TMCC3: variants seen among roughly 807,000 people sequenced by gnomAD.
The protein encoded by TMCC3 is transmembrane and coiled-coil domain family 3.
A neutral mutation model predicts 40.2 loss-of-function variants in TMCC3; 28 were observed. That is an observed-to-expected ratio of 0.70 (90% confidence interval 0.52 to 0.95). TMCC3 has a LOEUF of 0.95. TMCC3 is among the 40% of genes least tolerant of loss of function. The pLI is 0.00. For synonymous variants in TMCC3, 255 were observed against 248.5 expected (o/e 1.03, Z -0.25); for missense variants, 554 against 615.2 (o/e 0.90, Z 1.05).
chr12:94,599,882 C>T (rs1384840428), intron 1 of TMCC3, among the ~76,000 whole-genome samples: 3 of 152,180 alleles, frequency 2.0e-5, no homozygotes, highest in Non-Finnish European at 4.4e-5. Context: ...ACCTCCTTAG[C>T]CTACTTTTTG....
At chr12:94,583,068 T>C (rs1295673421) in intron 1 of TMCC3, among the ~76,000 whole-genome samples, 1 of 150,698 alleles carries the variant, frequency 6.6e-6, no homozygotes, top group Non-Finnish European at 1.5e-5. Context: ...CATTATTTTC[T>C]TAATGGAATC....
At chr12:94,614,097 GAAAAAAA>G (rs10696282) in intron 1 of TMCC3, among the ~76,000 whole-genome samples, 10 of 98,508 alleles carry the variant, frequency 1.0e-4, no homozygotes, top group Admixed American at 7.6e-4. Flanking sequence ...TCCATCTCCA[GAAAAAAA>G]AAAAAAAAAA....
chr12:94,572,804 C>T (rs944651498), intron 3 of TMCC3, among the ~76,000 whole-genome samples: 11 of 151,970 alleles, frequency 7.2e-5, no homozygotes, highest in Non-Finnish European at 1.2e-4. Context: ...TAGAGATTGG[C>T]GGAGGAAGGC....
intron 1 of TMCC3, among the ~76,000 whole-genome samples, chr12:94,582,825 T>C (rs891807011): frequency 3.3e-5 from 5 of 152,008 alleles, no homozygotes; most frequent in African/African-American, 7.3e-5. Context: ...AAACGCAAAA[T>C]AGAATGAGGT....
chr12:94,592,323 A>G (rs545286570), intron 1 of TMCC3, among the ~76,000 whole-genome samples: 1 of 152,036 alleles, frequency 6.6e-6, no homozygotes. Flanking sequence ...CATCACTGAC[A>G]AAAGAAATTC....
rs528699156 is a variant in TMCC3 at position 94,568,859 on chromosome 12, T to C, written c.*2576A>G. ...ATATGAATTATTTCAAAGGAATTCA[T>C]GATCCAGGTAGGAGGATTTAGATCC... On this transcript the variant is annotated 3_prime_UTR_variant, in exon 4 of 4. Transcript: ENST00000261226. 2.0e-5 allele frequency: 3 copies of C among 152,368 alleles called. No individual in the cohort carries two copies. Among genetic ancestry groups the C allele is most frequent in the Admixed American group, 6.5e-5 (1 of 15,300 alleles). 9.4% of individuals were successfully genotyped at this position (152,368 alleles called of 1,614,324 possible). A position where few individuals can be genotyped will look rare whatever the true frequency, so the allele number is the denominator to read the frequency against.
At chr12:94,643,379 AC>A (rs1168304918) in intron 1 of TMCC3, among the ~76,000 whole-genome samples, 3 of 152,296 alleles carry the variant, frequency 2.0e-5, no homozygotes, top group Non-Finnish European at 2.9e-5. Context: ...GTGTGAACCC[AC>A]AGGCCAGTCA....
chr12:94,650,474 G>A lies in TMCC3; in HGVS notation c.-44C>T. 1 of 1,234,950 alleles carries A rather than the reference G, an allele frequency of 8.1e-7. No homozygotes were observed. Among genetic ancestry groups the A allele is most frequent in the Non-Finnish European group, 1.0e-6 (1 of 984,344 alleles). 76.5% of individuals were successfully genotyped at this position (1,234,950 alleles called of 1,614,324 possible). Reference sequence around the variant, plus strand: ...AACTTTCCCGTCTTCTGGGGCTGCCGCGCCGCGAGCCACCGGCTGTGCTCG... The same window carrying A: ...AACTTTCCCGTCTTCTGGGGCTGCCACGCCGCGAGCCACCGGCTGTGCTCG... On this transcript the variant is annotated 5_prime_UTR_variant, in exon 1 of 4. Transcript: ENST00000261226.
chr12:94,589,723 T>C (rs1372349142), intron 1 of TMCC3, among the ~76,000 whole-genome samples: 1 of 152,218 alleles, frequency 6.6e-6, no homozygotes, highest in Non-Finnish European at 1.5e-5. Context: ...AATACTTTTA[T>C]TGTGAATCAG....
intron 1 of TMCC3, among the ~76,000 whole-genome samples, chr12:94,597,411 G>A (rs1025851981): frequency 2.0e-5 from 3 of 152,090 alleles, no homozygotes; most frequent in African/African-American, 4.8e-5. Flanking sequence ...TGTAGGGACC[G>A]TTGTAATTGT....
rs112114695 is a variant in TMCC3, at chr12:94,591,648, C to T, written c.79-9110G>A. 6.1e-4 allele frequency among the ~76,000 whole-genome samples: 93 copies of T among 152,022 alleles called. 1 individual carries two copies. The highest frequency in any genetic ancestry group is 9.2e-4 in the Admixed American group (14 of 15,268). On this transcript the variant is annotated intron_variant, in intron 1 of 3. Transcript: ENST00000261226. ...GCATGCACTTGTAATCCTGACTACT[C>T]GGGAGGTTGAGGCACGAGGGTCAAG...
chr12:94,591,917 G>A lies in TMCC3; in HGVS notation c.79-9379C>T, dbSNP rs535505606. 2.0e-5 allele frequency among the ~76,000 whole-genome samples: 3 copies of A among 152,312 alleles called. No individual in the cohort carries two copies. The East Asian group carries it at 5.8e-4, about 29-fold the overall frequency. Reference sequence around the variant, plus strand: ...CCGGATCCCAGCATCCTTGCTAACAGAGCTAACCTATACTAGAAAAATAAC... The same window carrying A: ...CCGGATCCCAGCATCCTTGCTAACAAAGCTAACCTATACTAGAAAAATAAC... On this transcript the variant is annotated intron_variant, in intron 1 of 3. Transcript: ENST00000261226.
chr12:94,626,118 G>A (rs2068902983), intron 1 of TMCC3, among the ~76,000 whole-genome samples: 1 of 152,186 alleles, frequency 6.6e-6, no homozygotes, highest in Non-Finnish European at 1.5e-5. Context: ...ACGCATGTGT[G>A]AACGCAGAAA....
rs559530234 is a variant in TMCC3, at chr12:94,608,377, T to C, written c.79-25839A>G. Among the ~76,000 whole-genome samples the C allele has an allele frequency of 1.4e-3, 213 of 152,284 alleles. 1 individual carries two copies. The highest frequency in any genetic ancestry group is 0.014 in the Middle Eastern group (4 of 294). On this transcript the variant is annotated intron_variant, in intron 1 of 3. Coordinates refer to ENST00000261226, the MANE Select transcript of TMCC3 (RefSeq NM_020698.4). Reference sequence around the variant, plus strand: ...GAAAGTCTTACACATCTGTTCTGAATTTCACACTCCATAACTGACAGCTAT... The same window carrying C: ...GAAAGTCTTACACATCTGTTCTGAACTTCACACTCCATAACTGACAGCTAT...
chr12:94,614,097 G>GGA (rs2068832967), intron 1 of TMCC3, among the ~76,000 whole-genome samples: 1 of 98,476 alleles, frequency 1.0e-5, no homozygotes, highest in South Asian at 3.6e-4. Context: ...TCCATCTCCA[G>GGA]AAAAAAAAAA....
intron 1 of TMCC3, among the ~76,000 whole-genome samples, chr12:94,625,471 G>T (rs534895198): frequency 6.6e-6 from 1 of 151,656 alleles, no homozygotes; most frequent in African/African-American, 2.4e-5. Context: ...GTGCACGCTT[G>T]TAGTCCCAAA....
At chr12:94,624,633 G>C (rs1244874402) in intron 1 of TMCC3, among the ~76,000 whole-genome samples, 1 of 152,072 alleles carries the variant, frequency 6.6e-6, no homozygotes. Flanking sequence ...AGAATCACTT[G>C]AGTCTGGGAG....
intron 1 of TMCC3, among the ~76,000 whole-genome samples, chr12:94,625,866 G>A (rs563085770): frequency 4.6e-5 from 7 of 152,208 alleles, no homozygotes; most frequent in Non-Finnish European, 1.0e-4. Context: ...TATTTTGTAC[G>A]CATTTGTTTG....
chr12:94,597,133 ATATATATATATATATATATATATATG>A (rs1231436517), intron 1 of TMCC3, among the ~76,000 whole-genome samples: 1,353 of 14,092 alleles, frequency 0.096, 61 homozygotes, highest in Non-Finnish European at 0.2. Flanking sequence ...ACATATATAT[ATATATATATATATATATATATATATG>A]TATATAAATT....
Sources: allele counts gnomAD v4.1 joint callset (sites outside exome capture counted in the v4.1 genomes callset), GRCh38; gene constraint gnomAD v4.1.1; transcripts MANE v1.5; gene names NCBI Gene and HGNC (gene_info 2026-07-23, HGNC 2026-07-21).